KCNH1: variants seen among roughly 807,000 people sequenced by gnomAD.
KCNH1 encodes potassium voltage-gated channel subfamily H member 1, also known as voltage-gated delayed rectifier potassium channel KCNH1.
Under a neutral mutation model 69.2 loss-of-function variants are expected in KCNH1, and 27 were observed. That is an observed-to-expected ratio of 0.39 (90% CI 0.29 to 0.54). The LOEUF (loss-of-function observed/expected upper bound fraction) is 0.54. Among genes scored for constraint, KCNH1 ranks in the 20% least tolerant of loss-of-function variants. KCNH1 has a pLI of 0.68. For synonymous variants in KCNH1, 456 were observed against 487.7 expected (o/e 0.93, Z 0.86); for missense variants, 798 against 1,261.6 (o/e 0.63, Z 5.57).
intron 6 of KCNH1, among the ~76,000 whole-genome samples, chr1:210,960,630 T>A (rs1348837981): frequency 6.6e-6 from 1 of 152,250 alleles, no homozygotes; most frequent in African/African-American, 2.4e-5. Context: ...TAGCCTATTG[T>A]ATAAATGCAT....
At chr1:210,936,827 C>A (rs1257679662) in intron 6 of KCNH1, among the ~76,000 whole-genome samples, 2 of 151,630 alleles carry the variant, frequency 1.3e-5, no homozygotes, top group African/African-American at 4.8e-5. Context: ...GGAAACCACT[C>A]CAACTCTGAA....
intron 1 of KCNH1, among the ~76,000 whole-genome samples, chr1:211,108,231 A>AT (rs1331605395): frequency 6.6e-6 from 1 of 152,154 alleles, no homozygotes; most frequent in Non-Finnish European, 1.5e-5. Flanking sequence ...CTTTTCAAGC[A>AT]TTTCAATTAA....
Position 210,794,736 on chromosome 1 carries a change from G to C in KCNH1, c.1915+2772C>G, listed in dbSNP as rs77025711. On this transcript the variant is annotated intron_variant, in intron 9 of 10. Transcript: ENST00000271751. ...CATGGAAAGGCATATGGTAAGTTAT[G>C]AGTGAGAAGATGAGTGAAAAATGCC... 6.6e-3 allele frequency among the ~76,000 whole-genome samples: 1,012 copies of C among 152,298 alleles called. 6 individuals carry two copies. The highest frequency in any genetic ancestry group is 0.011 in the Admixed American group (162 of 15,296).
intron 10 of KCNH1, among the ~76,000 whole-genome samples, chr1:210,713,012 C>T (rs760725238): frequency 2.6e-5 from 4 of 152,162 alleles, no homozygotes; most frequent in African/African-American, 7.2e-5. Context: ...TCTACCTTCT[C>T]CATCAGGAGG....
In KCNH1 at chr1:210,683,289, C is replaced by T. The variant is rs371262198; in HGVS notation, c.2962G>A (p.Ala988Thr). The stretch of plus-strand genomic sequence containing the variant: ...TTTTTTAAATAGACCTCTCAGCTGG[C>T]TCCAAAAATGTCTCTCTCTGATTCT... ...SPESERDIFG[A>T]S The change falls in exon 11 of 11, where the codon GCC becomes ACC. Residue 988 changes from alanine (A) to threonine (T), a missense_variant. Around this residue, in one of 4 missense-constraint regions of KCNH1, gnomAD observed 331 missense variants for 363.2 expected, o/e 0.91. Coordinates refer to ENST00000271751, the MANE Select transcript of KCNH1 (RefSeq NM_172362.3). The surrounding 1 kb of genome is among the most constrained non-coding windows in gnomAD (Gnocchi z 5.7). 3 of 1,612,728 alleles carry T rather than the reference C, an allele frequency of 1.9e-6. No individual in the cohort carries two copies. Among genetic ancestry groups the T allele is most frequent in the African/African-American group, 2.7e-5 (2 of 74,734 alleles).
intron 7 of KCNH1, among the ~76,000 whole-genome samples, chr1:210,900,942 C>A (rs940157572): frequency 6.6e-5 from 10 of 152,152 alleles, no homozygotes; most frequent in African/African-American, 2.4e-4. Context: ...ACACAGACAC[C>A]CCTCCCTCCA....
At chr1:210,689,243 C>A (rs1395155322) in intron 10 of KCNH1, among the ~76,000 whole-genome samples, 4 of 152,196 alleles carry the variant, frequency 2.6e-5, no homozygotes, top group African/African-American at 4.8e-5. Context: ...AAAACCAATA[C>A]CCCTGGAATC....
rs149397304 is a variant in KCNH1 at position 210,968,781 on chromosome 1, C to T, written c.1033-48712G>A. Reference sequence around the variant, plus strand: ...TTCTGGATATTAGCCCTTTGTCAGACGAGTAGGTTGCAAAAATTTTCTCCC... The same window carrying T: ...TTCTGGATATTAGCCCTTTGTCAGATGAGTAGGTTGCAAAAATTTTCTCCC... On this transcript the variant is annotated intron_variant, in intron 6 of 10. Transcript: ENST00000271751. Among the ~76,000 whole-genome samples, 585 of 151,756 alleles carry T rather than the reference C, an allele frequency of 3.9e-3. 15 individuals carry two copies. In the South Asian group the frequency reaches 0.075, roughly 20 times the overall value.
At chr1:210,719,402 G>A (rs1682395740) in intron 10 of KCNH1, among the ~76,000 whole-genome samples, 1 of 152,108 alleles carries the variant, frequency 6.6e-6, no homozygotes, top group African/African-American at 2.4e-5. Context: ...ACCCAGACAT[G>A]GATGAAACTG....
intron 6 of KCNH1, among the ~76,000 whole-genome samples, chr1:210,978,772 G>C (rs537890925): frequency 1.3e-5 from 2 of 152,282 alleles, no homozygotes; most frequent in East Asian, 3.9e-4. Flanking sequence ...TCAATGATTA[G>C]ACAGAGGATG....
At chr1:210,867,083 T>C (rs953029235) in intron 7 of KCNH1, among the ~76,000 whole-genome samples, 4 of 151,766 alleles carry the variant, frequency 2.6e-5, no homozygotes, top group Non-Finnish European at 5.9e-5. Context: ...TTAGAGAAAG[T>C]AGATTAGTGG....
rs1469357063 is a variant in KCNH1 at position 210,806,805 on chromosome 1, AC to A, written c.1463-2640del. ...GCCAATATGGTGAAACCCCATCTCTACCAAAAAAAAAAAAAAAAAAAAAAAA... is the reference window on the plus strand; with the variant it reads ...GCCAATATGGTGAAACCCCATCTCTACAAAAAAAAAAAAAAAAAAAAAAAA... On this transcript the variant is annotated intron_variant, in intron 7 of 10. Transcript: ENST00000271751. Among the ~76,000 whole-genome samples, 108 of 18,624 alleles carry A rather than the reference AC, an allele frequency of 5.8e-3. 9 individuals carry two copies. Among genetic ancestry groups the A allele is most frequent in the South Asian group, 0.014 (4 of 278 alleles). 12.2% of individuals were successfully genotyped at this position (18,624 alleles called of 152,430 possible).
intron 7 of KCNH1, among the ~76,000 whole-genome samples, chr1:210,840,147 G>T (rs1329087286): frequency 6.6e-6 from 1 of 152,156 alleles, no homozygotes; most frequent in Non-Finnish European, 1.5e-5. Flanking sequence ...AGCATTAACT[G>T]CATTAGGGCA....
chr1:210,825,686 T>C (rs1396277116), intron 7 of KCNH1, among the ~76,000 whole-genome samples: 1 of 152,228 alleles, frequency 6.6e-6, no homozygotes, highest in Non-Finnish European at 1.5e-5. Flanking sequence ...TCACTTTCTC[T>C]TCTTCTGTGC....
chr1:211,064,582 C>T (rs892564435), intron 5 of KCNH1, among the ~76,000 whole-genome samples: 2 of 151,592 alleles, frequency 1.3e-5, no homozygotes, highest in Non-Finnish European at 2.9e-5. Flanking sequence ...AAAAATCAAG[C>T]GAATTTTAAA....
At chr1:210,712,982 CT>C (rs1463478105) in intron 10 of KCNH1, among the ~76,000 whole-genome samples, 3 of 152,140 alleles carry the variant, frequency 2.0e-5, no homozygotes, top group Admixed American at 2.0e-4. Flanking sequence ...ATGCAGATGA[CT>C]CGTGCACATC....
At chr1:211,080,367 C>G (rs1179212516) in intron 5 of KCNH1, among the ~76,000 whole-genome samples, 2 of 152,140 alleles carry the variant, frequency 1.3e-5, no homozygotes, top group Non-Finnish European at 2.9e-5. Context: ...TAGGAAGAAG[C>G]AATATCATGA....
At chr1:211,057,481 T>A (rs1382641900) in intron 5 of KCNH1, among the ~76,000 whole-genome samples, 25 of 149,714 alleles carry the variant, frequency 1.7e-4, no homozygotes, top group East Asian at 5.8e-4. Context: ...CAAAAAAAAA[T>A]TTTTTTAATT....
chr1:211,079,352 G>A (rs554968337), intron 5 of KCNH1, among the ~76,000 whole-genome samples: 1 of 152,224 alleles, frequency 6.6e-6, no homozygotes, highest in Admixed American at 6.5e-5. Context: ...AAAACTCCAC[G>A]ACCAGATGGA....
Sources: gnomAD v4.1 joint callset for allele counts (sites outside exome capture counted in the v4.1 genomes callset) on GRCh38, gnomAD v4.1.1 for gene constraint, gnomAD v4.1.1 regional missense constraint, Gnocchi (gnomAD v3.1) non-coding constraint, MANE v1.5 for transcripts, NCBI Gene and HGNC (gene_info 2026-07-23, HGNC 2026-07-21) for gene names.